TICAM2: variants seen among roughly 807,000 people sequenced by gnomAD.
TICAM2 encodes the protein TIR domain-containing adapter molecule 2.
A neutral mutation model predicts 7.3 loss-of-function variants in TICAM2; 8 were observed. The ratio of observed to expected loss-of-function variants is 1.10; its 90% CI spans 0.65 to 1.99. The LOEUF is 1.99. TICAM2 is among the 30% of genes most tolerant of loss of function. TICAM2 has a pLI of 0.00. For synonymous variants in TICAM2, 113 were observed against 99.6 expected (o/e 1.13, Z -0.80); for missense variants, 304 against 278.8 (o/e 1.09, Z -0.65).
chr5:115,591,291 A>G (rs1168030134), intron 1 of TICAM2, among the ~76,000 whole-genome samples: 1 of 152,206 alleles, frequency 6.6e-6, no homozygotes, highest in African/African-American at 2.4e-5. Context: ...GGCTACACCT[A>G]GGTGTACGAG....
At chr5:115,598,966 T>C (rs1022819433) in intron 1 of TICAM2, among the ~76,000 whole-genome samples, 4 of 151,736 alleles carry the variant, frequency 2.6e-5, no homozygotes, top group Non-Finnish European at 5.9e-5. Context: ...CAGTGGTATG[T>C]GCCTCTAGGC....
chr5:115,596,730 T>C (rs1323109427), intron 1 of TICAM2, among the ~76,000 whole-genome samples: 12 of 152,108 alleles, frequency 7.9e-5, no homozygotes, highest in South Asian at 6.2e-4. Flanking sequence ...CCATCCTGAC[T>C]AACATGGTGA....
chr5:115,591,662 A>G (rs1755307628), intron 1 of TICAM2, among the ~76,000 whole-genome samples: 1 of 152,190 alleles, frequency 6.6e-6, no homozygotes, highest in Non-Finnish European at 1.5e-5. Flanking sequence ...TTATCATTAG[A>G]TTAGATCAGC....
intron 1 of TICAM2, among the ~76,000 whole-genome samples, chr5:115,582,733 C>T (rs772527900): frequency 6.6e-6 from 1 of 152,176 alleles, no homozygotes; most frequent in Non-Finnish European, 1.5e-5. Context: ...TCTACTTGTT[C>T]TTTATGGGCA....
rs1485065851 is a variant in TICAM2, at chr5:115,594,909, A to G, written c.-60+7188T>C. Among the ~76,000 whole-genome samples the G allele has an allele frequency of 2.0e-5, 3 of 152,156 alleles. No homozygotes were observed. In the East Asian group the frequency reaches 5.8e-4, roughly 29 times the overall value. The stretch of plus-strand genomic sequence containing the variant: ...TTTAGGAGATTTTTTTTTAGGAGAC[A>G]AGCTCATCCCCATCTGAGATGATGG... On this transcript the variant is annotated intron_variant, in intron 1 of 1. Transcript: ENST00000427199.
chr5:115,586,283 A>G (rs1248650048), intron 1 of TICAM2, among the ~76,000 whole-genome samples: 2 of 152,202 alleles, frequency 1.3e-5, no homozygotes, highest in Non-Finnish European at 2.9e-5. Flanking sequence ...TGTGTTACAA[A>G]TGATTTTTGG....
chr5:115,601,339 G>A (rs1440572506), intron 1 of TICAM2, among the ~76,000 whole-genome samples: 1 of 148,606 alleles, frequency 6.7e-6, no homozygotes, highest in South Asian at 2.2e-4. Context: ...AGAGGTGGGG[G>A]GATGCATTTT....
intron 1 of TICAM2, among the ~76,000 whole-genome samples, chr5:115,588,099 G>T (rs549779901): frequency 6.6e-6 from 1 of 152,308 alleles, no homozygotes; most frequent in South Asian, 2.1e-4. Context: ...GAAAAGGTTG[G>T]CTGAGAGGGA....
intron 1 of TICAM2, among the ~76,000 whole-genome samples, chr5:115,593,748 G>A (rs1755401621): frequency 6.6e-6 from 1 of 152,166 alleles, no homozygotes. Context: ...GGGAGGACTT[G>A]TTCTATTGGG....
rs377470748 is a variant in TICAM2, at chr5:115,580,620, A to T, written c.637T>A (p.Ser213Thr). The T allele has an allele frequency of 6.3e-7, 1 of 1,592,138 alleles. No homozygotes were observed. The highest frequency in any genetic ancestry group is 8.5e-7 in the Non-Finnish European group (1 of 1,173,160). The change falls in exon 2 of 2, where the codon TCT becomes ACT. Residue 213 changes from serine to threonine, a missense_variant. By Grantham distance (58) the Ser-to-Thr change is moderately conservative (BLOSUM62 1). Coordinates refer to ENST00000427199, the MANE Select transcript of TICAM2 (RefSeq NM_021649.7). ...ATAGTTTGTTGTGTCTTATACACAG[A>T]CTCCTGAAAAATTCTTTCTACTTGT... is the stretch of plus-strand genomic sequence containing the variant. ...PTQVERIFQE[S>T]VYKTQQTIWK...
In TICAM2 at chr5:115,580,047, GCTT is replaced by G. The variant is rs1754859155; in HGVS notation, c.*499_*501del. ...TATTTCTGATTTTATATGCATCAAC[GCTT>G]AACATGCTAAATGTTCTATTCTGGC... On this transcript the variant is annotated 3_prime_UTR_variant, in exon 2 of 2. Coordinates refer to ENST00000427199, the MANE Select transcript of TICAM2 (RefSeq NM_021649.7). 6.6e-6 allele frequency: 1 copy of G among 152,302 alleles called. No individual in the cohort carries two copies. Among genetic ancestry groups the G allele is most frequent in the Non-Finnish European group, 1.5e-5 (1 of 68,188 alleles). The allele number at this position is 152,302 out of a possible 1,614,324, so 9.4% of individuals were successfully genotyped here. A position where few individuals can be genotyped will look rare whatever the true frequency, so the allele number is the denominator to read the frequency against.
At chr5:115,595,823 T>C (rs1561578381) in intron 1 of TICAM2, among the ~76,000 whole-genome samples, 1 of 152,228 alleles carries the variant, frequency 6.6e-6, no homozygotes, top group Non-Finnish European at 1.5e-5. Flanking sequence ...CCCAACCATC[T>C]ACATGAATAG....
intron 1 of TICAM2, among the ~76,000 whole-genome samples, chr5:115,594,960 T>C (rs1451088230): frequency 6.6e-6 from 1 of 152,070 alleles, no homozygotes; most frequent in Non-Finnish European, 1.5e-5. Context: ...AGTCTGTGAG[T>C]TGTTTCCAAA....
intron 1 of TICAM2, among the ~76,000 whole-genome samples, chr5:115,591,298 C>T (rs952329542): frequency 9.9e-5 from 15 of 152,068 alleles, no homozygotes; most frequent in Admixed American, 1.3e-4. Flanking sequence ...CCTAGGTGTA[C>T]GAGTGATCTA....
chr5:115,597,894 C>A (rs1235612866), intron 1 of TICAM2, among the ~76,000 whole-genome samples: 1 of 152,164 alleles, frequency 6.6e-6, no homozygotes, highest in Non-Finnish European at 1.5e-5. Flanking sequence ...ATAATACAAA[C>A]CCATGTTGTT....
At chr5:115,589,506 T>C (rs1054048927) in intron 1 of TICAM2, among the ~76,000 whole-genome samples, 3 of 152,254 alleles carry the variant, frequency 2.0e-5, no homozygotes, top group Non-Finnish European at 2.9e-5. Flanking sequence ...CTTTGGGGGA[T>C]TGCAGAGAAT....
At chr5:115,597,751 A>G (rs1755565000) in intron 1 of TICAM2, among the ~76,000 whole-genome samples, 1 of 152,142 alleles carries the variant, frequency 6.6e-6, no homozygotes, top group Admixed American at 6.5e-5. Flanking sequence ...AAGAATACTC[A>G]AGTCCCACAG....
At chr5:115,596,533 A>C (rs1755516860) in intron 1 of TICAM2, among the ~76,000 whole-genome samples, 1 of 152,186 alleles carries the variant, frequency 6.6e-6, no homozygotes, top group Admixed American at 6.5e-5. Context: ...TAGTGTTAAA[A>C]AACCGGACAA....
chr5:115,588,177 G>T (rs1468202880), intron 1 of TICAM2, among the ~76,000 whole-genome samples: 1 of 152,176 alleles, frequency 6.6e-6, no homozygotes, highest in East Asian at 1.9e-4. Context: ...AAGATACTTG[G>T]AATGCTTACG....
Sources: allele counts gnomAD v4.1 joint callset (sites outside exome capture counted in the v4.1 genomes callset), GRCh38; gene constraint gnomAD v4.1.1; transcripts MANE v1.5; gene names NCBI Gene and HGNC (gene_info 2026-07-23, HGNC 2026-07-21).